The following ADAMTS9 variants were observed in gnomAD, a reference collection of about 807,000 sequenced individuals.
The protein encoded by ADAMTS9 is A disintegrin and metalloproteinase with thrombospondin motifs 9.
ADAMTS9 carries 107 observed loss-of-function variants against 257.1 expected under a neutral mutation model. That is an observed-to-expected ratio of 0.42 (90% CI 0.36 to 0.49). The LOEUF is 0.49. Among genes scored for constraint, ADAMTS9 ranks in the 20% least tolerant of loss-of-function variants. ADAMTS9 has a pLI of 0.03. For missense variants in ADAMTS9, 2,353 were observed against 2,469.1 expected, an observed-to-expected ratio of 0.95 and a Z score of 1.00; for synonymous variants, 982 against 880.9, an observed-to-expected ratio of 1.11 and a Z score of -2.03.
intron 26 of ADAMTS9, among the ~76,000 whole-genome samples, chr3:64,599,722 C>T (rs1245022017): frequency 6.6e-6 from 1 of 152,200 alleles, no homozygotes; most frequent in Non-Finnish European, 1.5e-5. Flanking sequence ...CTTAGTTACC[C>T]CTCTATCTAG....
chr3:64,535,007 C>G (rs1007880901), intron 37 of ADAMTS9, among the ~76,000 whole-genome samples: 2 of 152,132 alleles, frequency 1.3e-5, no homozygotes, highest in Non-Finnish European at 2.9e-5. Flanking sequence ...TAAGACTTAA[C>G]CTGTGAATAG....
intron 11 of ADAMTS9, among the ~76,000 whole-genome samples, chr3:64,646,089 G>C (rs910010151): frequency 6.6e-6 from 1 of 152,056 alleles, no homozygotes; most frequent in African/African-American, 2.4e-5. Context: ...TGTTTCTTTT[G>C]CAGCAATAAC....
At chr3:64,562,952 T>A (rs1014376339) in intron 29 of ADAMTS9, 1 of 152,216 alleles carries the variant, frequency 6.6e-6, no homozygotes, top group Non-Finnish European at 1.5e-5. Flanking sequence ...GAAATCATAC[T>A]GTTTCAGATA....
chr3:64,592,700 G>C (rs1235326516), intron 28 of ADAMTS9: 1 of 151,994 alleles, frequency 6.6e-6, no homozygotes, highest in Admixed American at 6.6e-5. Flanking sequence ...GGAAATGCAG[G>C]TTTCTTTTTT....
At chr3:64,556,909 A>G (rs952069829) in intron 30 of ADAMTS9, among the ~76,000 whole-genome samples, 4 of 151,192 alleles carry the variant, frequency 2.6e-5, no homozygotes, top group Admixed American at 6.6e-5. Flanking sequence ...GGTATCTTTG[A>G]TGTTGTAGGT....
intron 11 of ADAMTS9, among the ~76,000 whole-genome samples, chr3:64,645,233 T>C (rs904381028): frequency 2.2e-4 from 34 of 152,334 alleles, no homozygotes; most frequent in African/African-American, 8.2e-4. Flanking sequence ...TAATATTTTA[T>C]AGAAATGTAT....
chr3:64,524,318 T>C (rs1463712309), intron 38 of ADAMTS9, among the ~76,000 whole-genome samples: 1 of 152,216 alleles, frequency 6.6e-6, no homozygotes, highest in Non-Finnish European at 1.5e-5. Context: ...AAGGCAACTA[T>C]CAAGAGAAAA....
intron 37 of ADAMTS9, among the ~76,000 whole-genome samples, chr3:64,538,824 G>A (rs1244471889): frequency 1.3e-5 from 2 of 152,016 alleles, no homozygotes; most frequent in African/African-American, 2.4e-5. Context: ...TTACAAAGCA[G>A]GACCTTTTTT....
intron 37 of ADAMTS9, among the ~76,000 whole-genome samples, chr3:64,538,359 C>T (rs1294735571): frequency 2.6e-5 from 4 of 151,814 alleles, no homozygotes; most frequent in Admixed American, 1.3e-4. Context: ...CCAAAGGAAA[C>T]CCAGATAAGT....
At chr3:64,628,158 C>G (rs1006673080) in intron 16 of ADAMTS9, among the ~76,000 whole-genome samples, 5 of 152,200 alleles carry the variant, frequency 3.3e-5, no homozygotes, top group African/African-American at 1.2e-4. Context: ...AGTGTCATAA[C>G]TGGCTCAGAT....
intron 28 of ADAMTS9, among the ~76,000 whole-genome samples, chr3:64,578,241 C>G (rs2083904818): frequency 6.6e-6 from 1 of 151,562 alleles, no homozygotes; most frequent in Non-Finnish European, 1.5e-5. Context: ...ATGCATTATT[C>G]AAGTCCTTTG....
At chr3:64,586,928 C>T (rs1159927877) in intron 28 of ADAMTS9, 1 of 152,160 alleles carries the variant, frequency 6.6e-6, no homozygotes, top group Non-Finnish European at 1.5e-5. Flanking sequence ...GGAATTCAAG[C>T]TTCTACAAGG....
chr3:64,677,548 C>CTAT (rs1701650071), intron 3 of ADAMTS9, among the ~76,000 whole-genome samples: 1 of 152,162 alleles, frequency 6.6e-6, no homozygotes, highest in Non-Finnish European at 1.5e-5. Context: ...AAGCACTGGG[C>CTAT]TATTACCTTT....
intron 22 of ADAMTS9, 84 bp downstream of exon 22, chr3:64,613,261 C>G (rs941717940): frequency 2.3e-5 from 35 of 1,512,622 alleles, no homozygotes; most frequent in Non-Finnish European, 3.1e-5. Context: ...GGTTAAATCT[C>G]CACCACTGGA....
At chr3:64,651,874 T>A (rs1483601300) in intron 8 of ADAMTS9, among the ~76,000 whole-genome samples, 1 of 152,140 alleles carries the variant, frequency 6.6e-6, no homozygotes, top group African/African-American at 2.4e-5. Context: ...CTTAAATTAA[T>A]CCAGGTTCCG....
At chr3:64,673,126 G>A (rs971876210) in intron 3 of ADAMTS9, among the ~76,000 whole-genome samples, 2 of 144,884 alleles carry the variant, frequency 1.4e-5, no homozygotes, top group Non-Finnish European at 3.0e-5. Flanking sequence ...TGCACTCTGT[G>A]ATGTTCACAA....
At position 64,561,562 on chromosome 3, in the gene ADAMTS9, T is replaced by C. The variant is rs756262621; in HGVS notation, c.4698+16A>G. The C allele has an allele frequency of 5.0e-6, 8 of 1,608,258 alleles. No individual in the cohort carries two copies. The highest frequency in any genetic ancestry group is 6.8e-6 in the Non-Finnish European group (8 of 1,177,016). ...CGTGAAATGCCTGGCAGGTACCCCT[T>C]TGTGGCTCTACTTACTTCTTGCCAT... On this transcript the variant is annotated intron_variant, in intron 30 of 39. Coordinates refer to ENST00000498707, the MANE Select transcript of ADAMTS9 (RefSeq NM_182920.2).
intron 3 of ADAMTS9, among the ~76,000 whole-genome samples, chr3:64,670,877 A>G (rs1701469453): frequency 6.6e-6 from 1 of 152,206 alleles, no homozygotes; most frequent in South Asian, 2.1e-4. Context: ...GAACAACAAA[A>G]TGTTGACAAT....
intron 3 of ADAMTS9, among the ~76,000 whole-genome samples, chr3:64,670,111 CA>C (rs772455696): frequency 7.5e-6 from 1 of 133,532 alleles, no homozygotes; most frequent in African/African-American, 3.1e-5. Context: ...CTATTAATAC[CA>C]AACTCTTCTA....
Sources: allele counts gnomAD v4.1 joint callset (sites outside exome capture counted in the v4.1 genomes callset), GRCh38; gene constraint gnomAD v4.1.1; transcripts MANE v1.5; gene names NCBI Gene and HGNC (gene_info 2026-07-23, HGNC 2026-07-21).